TRAK1: variants seen among roughly 807,000 people sequenced by gnomAD.
The protein encoded by TRAK1 is trafficking kinesin-binding protein 1.
TRAK1 carries 33 observed loss-of-function variants against 92.1 expected under a neutral mutation model. The ratio of observed to expected loss-of-function variants is 0.36; its 90% CI spans 0.27 to 0.48. TRAK1 has a LOEUF of 0.48. Ranked by LOEUF, TRAK1 falls within the 20% of genes least tolerant of loss-of-function variation. The pLI is 0.99. For synonymous variants in TRAK1, 521 were observed against 517.3 expected, an observed-to-expected ratio of 1.01 and a Z score of -0.10; for missense variants, 1,123 against 1,257.9, an observed-to-expected ratio of 0.89 and a Z score of 1.62.
chr3:42,062,891 G>A (rs953200598), intron 1 of TRAK1, among the ~76,000 whole-genome samples: 5 of 152,274 alleles, frequency 3.3e-5, no homozygotes, highest in Admixed American at 3.3e-4. Context: ...GTCTTATGAG[G>A]GGATGTGCAC....
At chr3:42,115,863 T>A (rs1370834407) in intron 1 of TRAK1, among the ~76,000 whole-genome samples, 2 of 152,176 alleles carry the variant, frequency 1.3e-5, no homozygotes, top group African/African-American at 4.8e-5. Context: ...TCGGAGGTCT[T>A]GCTTCCATTT....
At chr3:42,155,719 A>G (rs1576665797) in intron 2 of TRAK1, among the ~76,000 whole-genome samples, 1 of 152,224 alleles carries the variant, frequency 6.6e-6, no homozygotes, top group Non-Finnish European at 1.5e-5. Flanking sequence ...GCTGTCAAAT[A>G]CGGTAGCCAC....
At chr3:42,041,597 CTTT>C (rs61237103) in intron 1 of TRAK1, among the ~76,000 whole-genome samples, 1 of 141,394 alleles carries the variant, frequency 7.1e-6, no homozygotes, top group African/African-American at 2.6e-5. Flanking sequence ...TATGAGGGCC[CTTT>C]TTTTTTTTTT....
chr3:42,109,171 C>T (rs1355188703), intron 1 of TRAK1, among the ~76,000 whole-genome samples: 2 of 152,118 alleles, frequency 1.3e-5, no homozygotes. Context: ...TGTTAGGACT[C>T]TTAGGAGGAT....
chr3:42,220,590 G>C, intron 15 of TRAK1: 1 of 985,432 alleles, frequency 1.0e-6, no homozygotes, highest in East Asian at 1.1e-4. Context: ...GCGAGGCAGG[G>C]GGTGAGCACA....
At chr3:42,051,615 T>C (rs1474763495) in intron 1 of TRAK1, 1 of 152,290 alleles carries the variant, frequency 6.6e-6, no homozygotes, top group East Asian at 1.9e-4. Context: ...CTTATTTTCT[T>C]GCTTTGGCTG....
rs1044253607 is a variant in TRAK1, at chr3:42,019,639, TCA to T, written c.-519+5523_-519+5524del. ...TTTTATGCTAACATTCTGTAAGCTC[TCA>T]GTTTTTAAGTTTTGCAAAATGTAGA... On this transcript the variant is annotated intron_variant, in intron 1 of 16. Coordinates refer to the TRAK1 transcript ENST00000487159. Among the ~76,000 whole-genome samples, 35 of 152,300 alleles carry T rather than the reference TCA, an allele frequency of 2.3e-4. No individual in the cohort carries two copies. In the Middle Eastern group the frequency reaches 0.017, roughly 74 times the overall value.
In TRAK1 at chr3:42,125,523, C is replaced by T; in HGVS notation, c.195C>T (p.Asp65=). The change falls in exon 2 of 16, where the codon GAC becomes GAT. Residue 65 remains aspartate, a synonymous_variant. Coordinates refer to ENST00000327628, the MANE Select transcript of TRAK1 (RefSeq NM_001042646.3). ...GAGCCGACACCATCTACGGTTATGA[C>T]CACGACGACTGGCTCCATACACCTC... The part of the protein sequence containing the change: ...KLRADTIYGY[D]HDDWLHTPLI... 6.2e-7 allele frequency: 1 copy of T among 1,614,234 alleles called. No individual in the cohort carries two copies. Among genetic ancestry groups the T allele is most frequent in the Non-Finnish European group, 8.5e-7 (1 of 1,180,038 alleles).
rs190109317 is a variant in TRAK1 at position 42,180,784 on chromosome 3, A to G, written c.363+3894A>G. Among the ~76,000 whole-genome samples the G allele has an allele frequency of 1.4e-4, 21 of 152,226 alleles. No individual in the cohort carries two copies. In the East Asian group the frequency reaches 3.5e-3, roughly 25 times the overall value. The stretch of plus-strand genomic sequence containing the variant: ...ATTCCTTTGTGTTACAAACATTCCA[A>G]TTATACTTGTAGGTATTTTTCAATG... On this transcript the variant is annotated intron_variant, in intron 3 of 15. Coordinates refer to ENST00000327628, the MANE Select transcript of TRAK1 (RefSeq NM_001042646.3).
intron 1 of TRAK1, among the ~76,000 whole-genome samples, chr3:42,110,480 GGGT>G (rs1708239536): frequency 6.6e-6 from 1 of 152,130 alleles, no homozygotes; most frequent in Non-Finnish European, 1.5e-5. Flanking sequence ...AGTCCTGAAA[GGGT>G]TCCTCCTGCC....
At chr3:42,034,834 G>A (rs781129804) in intron 1 of TRAK1, among the ~76,000 whole-genome samples, 35 of 150,148 alleles carry the variant, frequency 2.3e-4, no homozygotes, top group Admixed American at 5.3e-4. Flanking sequence ...GAGCTAGTTT[G>A]TGCCACCGAG....
intron 2 of TRAK1, chr3:42,146,035 C>A: frequency 2.4e-6 from 1 of 411,184 alleles, no homozygotes; most frequent in Non-Finnish European, 4.7e-6. Flanking sequence ...ACTTTGGCTT[C>A]AGGAACTTTG....
intron 1 of TRAK1, among the ~76,000 whole-genome samples, chr3:42,044,042 G>C (rs1418090088): frequency 6.6e-6 from 1 of 152,212 alleles, no homozygotes; most frequent in Non-Finnish European, 1.5e-5. Flanking sequence ...GCTTTCAGGT[G>C]GCCCAAGGCA....
At chr3:42,074,336 G>C (rs923301792) in intron 1 of TRAK1, among the ~76,000 whole-genome samples, 1 of 152,166 alleles carries the variant, frequency 6.6e-6, no homozygotes, top group Admixed American at 6.5e-5. Flanking sequence ...TGGGGCTGTC[G>C]ACGCTTTAAA....
At chr3:42,085,312 C>T (rs1218448035), upstream of TRAK1, among the ~76,000 whole-genome samples, 4 of 152,258 alleles carry the variant, frequency 2.6e-5, no homozygotes, top group East Asian at 7.7e-4. Context: ...GGTTTACAGG[C>T]ATGCGCCACG....
At chr3:42,187,127 G>A (rs907665098) in intron 4 of TRAK1, among the ~76,000 whole-genome samples, 1 of 152,170 alleles carries the variant, frequency 6.6e-6, no homozygotes, top group Non-Finnish European at 1.5e-5. Context: ...ATTCCCTGAT[G>A]GTTGGCTCTT....
At chr3:42,203,170 A>T in intron 13 of TRAK1, 1 of 1,181,662 alleles carries the variant, frequency 8.5e-7, no homozygotes, top group Non-Finnish European at 1.0e-6. Context: ...GGTGTCGGGG[A>T]GAGGTTCCAA....
chr3:42,183,187 T>C (rs1704249871), intron 3 of TRAK1, among the ~76,000 whole-genome samples: 2 of 152,250 alleles, frequency 1.3e-5, no homozygotes, highest in Admixed American at 1.3e-4. Context: ...GTATTTAAGT[T>C]AAAACAAAAT....
intron 1 of TRAK1, among the ~76,000 whole-genome samples, chr3:42,110,433 A>G (rs1708232320): frequency 6.6e-6 from 1 of 152,054 alleles, no homozygotes; most frequent in Non-Finnish European, 1.5e-5. Context: ...CTGGGGATGG[A>G]GTCCTACACA....
Sources: gnomAD v4.1 joint callset for allele counts (sites outside exome capture counted in the v4.1 genomes callset) on GRCh38, gnomAD v4.1.1 for gene constraint, MANE v1.5 for transcripts, NCBI Gene and HGNC (gene_info 2026-07-23, HGNC 2026-07-21) for gene names.